PPIL6: variants seen among roughly 807,000 people sequenced by gnomAD.
PPIL6 encodes the protein probable inactive peptidyl-prolyl cis-trans isomerase-like 6.
Under a neutral mutation model 36.8 loss-of-function variants are expected in PPIL6, and 39 were observed. The observed-to-expected ratio is 1.06, with a 90% CI of 0.82 to 1.38. The LOEUF is 1.38. Among genes scored for constraint, PPIL6 ranks in the 40% most tolerant of loss-of-function variants. The pLI, the probability that PPIL6 is intolerant of heterozygous loss-of-function variation, is 0.00. For missense variants in PPIL6, 368 were observed against 379.1 expected, an observed-to-expected ratio of 0.97 and a Z score of 0.24; for synonymous variants, 123 against 134.1, an observed-to-expected ratio of 0.92 and a Z score of 0.57.
intron 6 of PPIL6, among the ~76,000 whole-genome samples, chr6:109,414,056 C>A (rs1424085588): frequency 6.6e-6 from 1 of 152,038 alleles, no homozygotes; most frequent in African/African-American, 2.4e-5. Flanking sequence ...TTTGATAGAA[C>A]AAGAGGGCAA....
intron 1 of PPIL6, among the ~76,000 whole-genome samples, chr6:109,437,309 G>C (rs1338411875): frequency 2.0e-5 from 3 of 152,174 alleles, no homozygotes; most frequent in Non-Finnish European, 4.4e-5. Flanking sequence ...ACAGTGCTTG[G>C]AGGTCCTGTC....
At chr6:109,422,940 T>C (rs1414393504) in intron 5 of PPIL6, among the ~76,000 whole-genome samples, 1 of 152,244 alleles carries the variant, frequency 6.6e-6, no homozygotes. Context: ...CTTTCATTCA[T>C]ATCTCTTAAC....
At chr6:109,399,836 T>C (rs886770377) in intron 7 of PPIL6, among the ~76,000 whole-genome samples, 199 bp downstream of exon 7, 6 of 152,356 alleles carry the variant, frequency 3.9e-5, no homozygotes, top group Admixed American at 6.5e-5. Flanking sequence ...CCACTGTGTC[T>C]GGCCAGTTTC....
At chr6:109,399,701 C>A (rs1265568243) in intron 7 of PPIL6, among the ~76,000 whole-genome samples, 1 of 151,964 alleles carries the variant, frequency 6.6e-6, no homozygotes, top group Non-Finnish European at 1.5e-5. Flanking sequence ...CCATGCCAAG[C>A]CAGATAATTT....
intron 6 of PPIL6, among the ~76,000 whole-genome samples, chr6:109,400,583 C>A (rs543370960): frequency 1.3e-5 from 2 of 152,122 alleles, no homozygotes; most frequent in Non-Finnish European, 2.9e-5. Flanking sequence ...ACCTTTCCCC[C>A]GAACCCCCCA....
chr6:109,405,758 C>T (rs1772773096), intron 6 of PPIL6, among the ~76,000 whole-genome samples: 1 of 152,144 alleles, frequency 6.6e-6, no homozygotes, highest in African/African-American at 2.4e-5. Context: ...TGAGCCTCTC[C>T]CACCCACACC....
At position 109,390,955 on chromosome 6, in the gene PPIL6, T is replaced by C. The variant is rs1772073935; in HGVS notation, c.*1871A>G. ...CTTTAAGACTGATGTAAATAGAGAT[T>C]GTTCTTGGAAGACAAACCTCATTCT... On this transcript the variant is annotated 3_prime_UTR_variant, in exon 8 of 8. Transcript: ENST00000521072. The C allele has an allele frequency of 6.6e-6, 1 of 152,130 alleles. No individual in the cohort carries two copies. The highest frequency in any genetic ancestry group is 1.5e-5 in the Non-Finnish European group (1 of 68,024). The allele number at this position is 152,130 out of a possible 1,614,324, so 9.4% of individuals were successfully genotyped here. A position where few individuals can be genotyped will look rare whatever the true frequency, so the allele number is the denominator to read the frequency against.
intron 1 of PPIL6, chr6:109,440,254 G>GC (rs939814913): frequency 5.8e-6 from 4 of 690,596 alleles, no homozygotes; most frequent in African/African-American, 3.6e-5. Context: ...TGGAACGCCC[G>GC]CCCCCGGACC....
At chr6:109,402,930 T>A in intron 6 of PPIL6, 2 of 729,062 alleles carry the variant, frequency 2.7e-6, no homozygotes, top group Non-Finnish European at 4.3e-6. Context: ...ATATTAACTC[T>A]AACTAGCTTT....
At chr6:109,419,747 A>G (rs974909213) in intron 5 of PPIL6, among the ~76,000 whole-genome samples, 3 of 152,170 alleles carry the variant, frequency 2.0e-5, no homozygotes, top group Non-Finnish European at 4.4e-5. Context: ...AAAGAATGCA[A>G]TATGATTCCA....
intron 2 of PPIL6, among the ~76,000 whole-genome samples, chr6:109,433,932 T>C (rs1348005197): frequency 6.6e-6 from 1 of 152,012 alleles, no homozygotes; most frequent in Non-Finnish European, 1.5e-5. Context: ...CAAAACATCT[T>C]GAGGTAACCT....
chr6:109,399,972 A>AT, intron 7 of PPIL6, 63 bp downstream of exon 7: 1 of 1,403,432 alleles, frequency 7.1e-7, no homozygotes, highest in Non-Finnish European at 9.8e-7. Flanking sequence ...ACTTATCCAA[A>AT]TATTTTTAAA....
chr6:109,434,041 G>A (rs1181504258), intron 2 of PPIL6, among the ~76,000 whole-genome samples: 1 of 152,164 alleles, frequency 6.6e-6, no homozygotes, highest in Admixed American at 6.5e-5. Context: ...CACAAACCAT[G>A]AGACAGTTTT....
intron 1 of PPIL6, among the ~76,000 whole-genome samples, chr6:109,438,575 G>T (rs1462258360): frequency 1.3e-5 from 2 of 151,812 alleles, no homozygotes; most frequent in Non-Finnish European, 2.9e-5. Context: ...ATAATTTTTA[G>T]ATTTGTAAAC....
In PPIL6 at chr6:109,419,140, T is replaced by C. The variant is rs1467540459; in HGVS notation, c.688+47A>G. 3.5e-6 allele frequency: 4 copies of C among 1,126,808 alleles called. No homozygotes were observed. In the Admixed American group the frequency reaches 5.2e-5, roughly 15 times the overall value. 69.8% of individuals were successfully genotyped at this position (1,126,808 alleles called of 1,614,324 possible). On this transcript the variant is annotated intron_variant, in intron 6 of 7. Transcript: ENST00000521072. ...GTGAAACTGTCCAGTCCTGTTAAGT[T>C]TGAATAATCAACTAATATATAACTA... is the stretch of plus-strand genomic sequence containing the variant.
chr6:109,440,065 A>G, intron 1 of PPIL6: 1 of 266,868 alleles, frequency 3.7e-6, no homozygotes, highest in South Asian at 3.0e-5. Context: ...GGTTGTAAAA[A>G]TTAGCTAGTT....
chr6:109,429,590 C>A (rs1191235277), intron 3 of PPIL6, among the ~76,000 whole-genome samples: 3 of 152,166 alleles, frequency 2.0e-5, no homozygotes, highest in Non-Finnish European at 4.4e-5. Context: ...ATGACCTAGC[C>A]TTGCCAGCTA....
chr6:109,421,152 C>T (rs1395895486), intron 5 of PPIL6, among the ~76,000 whole-genome samples: 3 of 152,238 alleles, frequency 2.0e-5, no homozygotes, highest in African/African-American at 7.2e-5. Context: ...CCCTCCCACA[C>T]CCACCAACAT....
chr6:109,415,411 G>A (rs36035949), intron 6 of PPIL6, among the ~76,000 whole-genome samples: 62,122 of 151,856 alleles, frequency 0.41, 13,005 homozygotes, highest in African/African-American at 0.53. Context: ...TCATGATCTG[G>A]CACTGGTTCG....
Sources: gnomAD v4.1 joint callset for allele counts (sites outside exome capture counted in the v4.1 genomes callset) on GRCh38, gnomAD v4.1.1 for gene constraint, MANE v1.5 for transcripts, NCBI Gene and HGNC (gene_info 2026-07-23, HGNC 2026-07-21) for gene names.